Variants in C8A observed in about 807,000 individuals in gnomAD.
C8A encodes the protein complement C8 alpha chain.
C8A carries 67 observed loss-of-function variants against 65.3 expected under a neutral mutation model. The observed-to-expected ratio is 1.03, with a 90% CI of 0.84 to 1.26. C8A has a LOEUF of 1.26. Ranked by LOEUF, C8A falls within the 50% of genes most tolerant of loss-of-function variation. The probability of loss-of-function intolerance (pLI) is 0.00; values close to 1 mark genes in which losing one functional copy is unlikely to be tolerated. For missense variants in C8A, 781 were observed against 723.9 expected, an observed-to-expected ratio of 1.08 and a Z score of -0.90; for synonymous variants, 290 against 259.4, an observed-to-expected ratio of 1.12 and a Z score of -1.13.
chr1:56,911,743 G>A (rs959024767), intron 9 of C8A, among the ~76,000 whole-genome samples: 2 of 152,184 alleles, frequency 1.3e-5, no homozygotes, highest in Non-Finnish European at 2.9e-5. Context: ...TGCATCAGTT[G>A]TAAATAACTC....
intron 5 of C8A, 41 bp downstream of exon 5, chr1:56,881,675 G>A (rs754726750): frequency 1.3e-6 from 2 of 1,576,830 alleles, no homozygotes; most frequent in Non-Finnish European, 1.7e-6. Flanking sequence ...CTGTGGTGTA[G>A]GTGGCAGAGA....
intron 7 of C8A, among the ~76,000 whole-genome samples, chr1:56,888,054 C>A (rs916401175): frequency 2.6e-5 from 4 of 152,132 alleles, no homozygotes; most frequent in African/African-American, 9.7e-5. Context: ...ATGGATGCAG[C>A]AAACCACCAT....
intron 4 of C8A, among the ~76,000 whole-genome samples, chr1:56,877,788 C>T (rs1165886909): frequency 2.0e-5 from 3 of 152,132 alleles, no homozygotes; most frequent in Non-Finnish European, 2.9e-5. Context: ...GCAGCCCACC[C>T]AAGGACAAGT....
At chr1:56,905,457 T>C (rs1375964292) in intron 7 of C8A, among the ~76,000 whole-genome samples, 1 of 152,244 alleles carries the variant, frequency 6.6e-6, no homozygotes, top group Admixed American at 6.5e-5. Flanking sequence ...CTCATTTTTT[T>C]CATTCATCAA....
intron 8 of C8A, among the ~76,000 whole-genome samples, chr1:56,907,228 T>C (rs573145673): frequency 6.6e-6 from 1 of 152,284 alleles, no homozygotes; most frequent in Non-Finnish European, 1.5e-5. Flanking sequence ...CCTGAACAAG[T>C]CAGTTGGGGT....
At chr1:56,900,713 C>T (rs531521026) in intron 7 of C8A, among the ~76,000 whole-genome samples, 3 of 152,240 alleles carry the variant, frequency 2.0e-5, no homozygotes, top group Admixed American at 6.5e-5. Flanking sequence ...ACCTATGACT[C>T]CTAGAACGTT....
chr1:56,868,526 G>T (rs1472998728), intron 2 of C8A, among the ~76,000 whole-genome samples: 1 of 152,092 alleles, frequency 6.6e-6, no homozygotes, highest in African/African-American at 2.4e-5. Context: ...GCTGAGGCAG[G>T]AGGATCACTT....
intron 6 of C8A, 62 bp downstream of exon 6, chr1:56,883,743 C>T: frequency 1.5e-6 from 2 of 1,369,604 alleles, no homozygotes; most frequent in Admixed American, 1.8e-5. Context: ...CACGTATTAC[C>T]TTAATTGCAT....
At chr1:56,885,561 T>A (rs1644292634) in intron 6 of C8A, among the ~76,000 whole-genome samples, 1 of 147,972 alleles carries the variant, frequency 6.8e-6, no homozygotes, top group Admixed American at 6.8e-5. Flanking sequence ...TTTTGTTTTT[T>A]TTTGTTTGTT....
intron 2 of C8A, among the ~76,000 whole-genome samples, chr1:56,868,947 T>G (rs1644117402): frequency 6.6e-6 from 1 of 152,356 alleles, no homozygotes; most frequent in Admixed American, 6.5e-5. Flanking sequence ...ACATGAGTAA[T>G]GCACACAAAA....
chr1:56,872,376 G>C (rs183734580), intron 2 of C8A, among the ~76,000 whole-genome samples: 3 of 152,210 alleles, frequency 2.0e-5, no homozygotes, highest in African/African-American at 7.2e-5. Context: ...CTCAGTGCTG[G>C]CCATGTTAAA....
intron 7 of C8A, among the ~76,000 whole-genome samples, chr1:56,889,742 G>C (rs1644329736): frequency 6.6e-6 from 1 of 152,072 alleles, no homozygotes; most frequent in South Asian, 2.1e-4. Flanking sequence ...CCTTGGGTTT[G>C]CTCAGATCCT....
chr1:56,870,396 T>G (rs1191198910), intron 2 of C8A, among the ~76,000 whole-genome samples: 1 of 152,148 alleles, frequency 6.6e-6, no homozygotes, highest in East Asian at 1.9e-4. Context: ...ACCTTGTGGC[T>G]GGATCACTGC....
In C8A at chr1:56,881,634, A is replaced by C; in HGVS notation, c.654A>C (p.Glu218Asp). Residue 218 changes from glutamate to aspartate, a missense_variant and splice_region_variant, in exon 5 of 11, where the codon GAA becomes GAC. Glu to Asp is a conservative substitution (Grantham distance 45). Coordinates refer to ENST00000361249, the MANE Select transcript of C8A (RefSeq NM_000562.3). Reference protein sequence around the residue: ...KPYNFLKYHFEALADTGISSE... With the variant: ...KPYNFLKYHFDALADTGISSE... ...ACAACTTTCTGAAGTACCACTTTGA[A>C]GTAAGTCTGAACAGAGGGGCTCTGA... The C allele has an allele frequency of 6.2e-7, 1 of 1,612,756 alleles. No individual in the cohort carries two copies. The highest frequency in any genetic ancestry group is 8.5e-7 in the Non-Finnish European group (1 of 1,179,598).
intron 2 of C8A, among the ~76,000 whole-genome samples, chr1:56,873,112 T>C (rs1238783018): frequency 6.6e-6 from 1 of 152,176 alleles, no homozygotes; most frequent in Admixed American, 6.5e-5. Flanking sequence ...AGGTTTGATC[T>C]TCACCTCTCC....
intron 2 of C8A, 124 bp downstream of exon 2, chr1:56,867,826 G>A (rs560054765): frequency 9.4e-5 from 71 of 755,066 alleles, no homozygotes; most frequent in South Asian, 1.6e-4. Context: ...AGAAATTGTT[G>A]TTTGAAATCC....
chr1:56,913,475 C>G (rs966515728), intron 10 of C8A, among the ~76,000 whole-genome samples: 1 of 152,160 alleles, frequency 6.6e-6, no homozygotes, highest in African/African-American at 2.4e-5. Context: ...ATTAAAAGTC[C>G]ATTGCTTAAA....
intron 7 of C8A, among the ~76,000 whole-genome samples, chr1:56,906,148 G>A (rs1443740386): frequency 6.6e-6 from 1 of 152,166 alleles, no homozygotes; most frequent in Non-Finnish European, 1.5e-5. Flanking sequence ...GATCATTCAG[G>A]CACAGAGAAC....
intron 4 of C8A, among the ~76,000 whole-genome samples, chr1:56,877,170 A>AACCTTGAAAAC (rs1180827429): frequency 1.3e-5 from 2 of 152,186 alleles, no homozygotes; most frequent in African/African-American, 2.4e-5. Context: ...AGCAGAAAAC[A>AACCTTGAAAAC]ACCTTGATAA....
Sources: gnomAD v4.1 joint callset for allele counts (sites outside exome capture counted in the v4.1 genomes callset) on GRCh38, gnomAD v4.1.1 for gene constraint, MANE v1.5 for transcripts, NCBI Gene and HGNC (gene_info 2026-07-23, HGNC 2026-07-21) for gene names.